LARS1: variants seen among roughly 807,000 people sequenced by gnomAD.
LARS1 encodes the protein leucine--tRNA ligase, cytoplasmic.
In LARS1, 100 loss-of-function variants were observed where a neutral mutation model predicts 162.8. The observed-to-expected ratio is 0.61, with a 90% CI of 0.52 to 0.73. LARS1 has a LOEUF of 0.73. Among genes scored for constraint, LARS1 ranks in the 30% least tolerant of loss-of-function variants. The pLI, the probability that LARS1 is intolerant of heterozygous loss-of-function variation, is 0.00. For missense variants in LARS1, 1,258 were observed against 1,408.9 expected (o/e 0.89, Z 1.71); for synonymous variants, 457 against 462.8 (o/e 0.99, Z 0.16).
intron 2 of LARS1, among the ~76,000 whole-genome samples, chr5:146,176,537 A>G (rs576829366): frequency 6.6e-6 from 1 of 152,214 alleles, no homozygotes; most frequent in East Asian, 1.9e-4. Context: ...TTGCTAGCAC[A>G]CAGTAAGTGT....
At chr5:146,150,359 A>G (rs916114123) in intron 14 of LARS1, among the ~76,000 whole-genome samples, 1 of 152,238 alleles carries the variant, frequency 6.6e-6, no homozygotes, top group African/African-American at 2.4e-5. Context: ...GGTAGAAAAG[A>G]CATGCATTCT....
At chr5:146,176,548 T>A (rs752885313) in intron 2 of LARS1, among the ~76,000 whole-genome samples, 4 of 152,108 alleles carry the variant, frequency 2.6e-5, no homozygotes, top group Non-Finnish European at 5.9e-5. Context: ...CAGTAAGTGT[T>A]CAATGTTAAC....
chr5:146,138,537 G>T (rs975078549), intron 21 of LARS1, among the ~76,000 whole-genome samples: 5 of 151,770 alleles, frequency 3.3e-5, no homozygotes, highest in African/African-American at 1.2e-4. Context: ...GATCAGCCTG[G>T]CCAACATACT....
chr5:146,156,407 G>A (rs1166278189), intron 10 of LARS1, among the ~76,000 whole-genome samples: 1 of 152,098 alleles, frequency 6.6e-6, no homozygotes, highest in Non-Finnish European at 1.5e-5. Context: ...TAATACAGTA[G>A]ATAAGGCTGG....
At chr5:146,149,529 C>A in intron 15 of LARS1, 93 bp downstream of exon 15, 1 of 855,054 alleles carries the variant, frequency 1.2e-6, no homozygotes. Flanking sequence ...TATTATAGCT[C>A]CAGGTTCTAC....
intron 14 of LARS1, 152 bp downstream of exon 14, chr5:146,151,710 T>A (rs1433178572): frequency 2.0e-5 from 15 of 752,010 alleles, no homozygotes. Context: ...AAAACAAAAA[T>A]TAGAAATTTG....
In LARS1 at chr5:146,157,345, T is replaced by C. The variant is rs58508858; in HGVS notation, c.1065+58A>G. ...GTAATGCTCTTTTCTCAATATTCAT[T>C]GTTGAAATTTTCCTTGAAATTTACG... On this transcript the variant is annotated intron_variant, in intron 10 of 31. Transcript: ENST00000394434. 6.0e-3 allele frequency: 8,396 copies of C among 1,410,616 alleles called. 379 individuals carry two copies. In the African/African-American group the frequency reaches 0.1, roughly 17 times the overall value. 87.4% of individuals were successfully genotyped at this position (1,410,616 alleles called of 1,614,324 possible). A position where few individuals can be genotyped will look rare whatever the true frequency, so the allele number is the denominator to read the frequency against.
chr5:146,182,070 A>T (rs1027582052), intron 1 of LARS1: 4 of 166,234 alleles, frequency 2.4e-5, no homozygotes, highest in Non-Finnish European at 5.3e-5. Context: ...CCTCCCGAGT[A>T]GCTGGGTTAA....
chr5:146,141,625 G>A (rs1372965971), intron 20 of LARS1, among the ~76,000 whole-genome samples: 3 of 149,964 alleles, frequency 2.0e-5, no homozygotes, highest in African/African-American at 7.4e-5. Context: ...GCAACAAAGT[G>A]AGACCTCGTC....
chr5:146,124,508 T>C (rs1751965262), intron 28 of LARS1, among the ~76,000 whole-genome samples: 1 of 151,854 alleles, frequency 6.6e-6, no homozygotes, highest in Non-Finnish European at 1.5e-5. Flanking sequence ...TTCTTAAAGC[T>C]GTTTCAGAGA....
In LARS1 at chr5:146,113,851, T is replaced by C. The variant is rs983453898; in HGVS notation, c.*255A>G. On this transcript the variant is annotated 3_prime_UTR_variant, in exon 32 of 32. Transcript: ENST00000394434. ...TTAAAAACCAGAAACTTCTAGGAAA[T>C]AGCAACAATTTGTTTTTTAAAAAGA... The C allele has an allele frequency of 6.8e-6, 3 of 442,272 alleles. No homozygotes were observed. The highest frequency in any genetic ancestry group is 3.0e-5 in the South Asian group (1 of 33,056). 27.4% of individuals were successfully genotyped at this position (442,272 alleles called of 1,614,324 possible).
chr5:146,132,612 G>A (rs996033570), intron 23 of LARS1: 11 of 232,890 alleles, frequency 4.7e-5, no homozygotes, highest in Non-Finnish European at 9.0e-5. Context: ...CTAGCTTTAA[G>A]GCATTTAAGG....
At chr5:146,161,614 G>A (rs1324247485) in intron 6 of LARS1, among the ~76,000 whole-genome samples, 1 of 152,096 alleles carries the variant, frequency 6.6e-6, no homozygotes, top group Non-Finnish European at 1.5e-5. Flanking sequence ...TTAGCCAGGT[G>A]TAGTGGCGCA....
At chr5:146,173,834 A>T (rs1174206576) in intron 2 of LARS1, among the ~76,000 whole-genome samples, 1 of 152,032 alleles carries the variant, frequency 6.6e-6, no homozygotes, top group East Asian at 1.9e-4. Context: ...TAGTTTGCAC[A>T]CTTGGCAGCA....
intron 10 of LARS1, among the ~76,000 whole-genome samples, chr5:146,156,158 A>G (rs1753515284): frequency 6.6e-6 from 1 of 152,236 alleles, no homozygotes; most frequent in Non-Finnish European, 1.5e-5. Flanking sequence ...TTACCAGGAT[A>G]CACAAGACAC....
intron 4 of LARS1, 53 bp downstream of exon 4, chr5:146,171,857 T>C: frequency 4.6e-6 from 6 of 1,303,380 alleles, no homozygotes; most frequent in South Asian, 1.3e-5. Flanking sequence ...AATTGGGTAT[T>C]ACTATTTGCT....
chr5:146,137,208 A>G (rs939180152), intron 21 of LARS1, among the ~76,000 whole-genome samples: 8 of 152,072 alleles, frequency 5.3e-5, no homozygotes, highest in African/African-American at 1.4e-4. Context: ...CCCTACAACT[A>G]TTTTCATTAT....
chr5:146,179,447 C>T (rs1157953382), intron 1 of LARS1, among the ~76,000 whole-genome samples: 2 of 152,104 alleles, frequency 1.3e-5, no homozygotes, highest in African/African-American at 2.4e-5. Context: ...CAGGCATGAG[C>T]CACCCAGCCC....
At chr5:146,131,329 T>C (rs568144169) in intron 23 of LARS1, 1 of 355,852 alleles carries the variant, frequency 2.8e-6, no homozygotes, top group Non-Finnish European at 5.0e-6. Context: ...GCAATCTCTC[T>C]ATTGTCTATC....
Sources: gnomAD v4.1 joint callset for allele counts (sites outside exome capture counted in the v4.1 genomes callset) on GRCh38, gnomAD v4.1.1 for gene constraint, MANE v1.5 for transcripts, NCBI Gene and HGNC (gene_info 2026-07-23, HGNC 2026-07-21) for gene names.